The following NCF2 variants were observed in gnomAD, a reference collection of about 807,000 sequenced individuals.
The protein encoded by NCF2 is neutrophil cytosolic factor 2, also known as neutrophil cytosol factor 2.
Under a neutral mutation model 70.9 loss-of-function variants are expected in NCF2, and 45 were observed. The observed-to-expected ratio is 0.63, with a 90% confidence interval of 0.50 to 0.81. NCF2 has a LOEUF of 0.81. Ranked by LOEUF, NCF2 falls within the 40% of genes least tolerant of loss-of-function variation. The pLI is 0.00. For missense variants in NCF2, 522 were observed against 631.6 expected (o/e 0.83, Z 1.86); for synonymous variants, 203 against 233.6 (o/e 0.87, Z 1.19).
chr1:183,594,367 C>T (rs952480232), upstream of NCF2, among the ~76,000 whole-genome samples: 7 of 152,284 alleles, frequency 4.6e-5, no homozygotes, highest in East Asian at 9.7e-4. Flanking sequence ...GATGATCACG[C>T]CACTGCATTC....
the NCF2 span, among the ~76,000 whole-genome samples, chr1:183,599,638 A>G: frequency 3.3e-5 from 5 of 149,634 alleles, no homozygotes; most frequent in African/African-American, 9.9e-5. Flanking sequence ...TGCAACCTCC[A>G]CCTCCCGGGT....
At chr1:183,599,423 C>CTTCTTTCTTT in the NCF2 span, among the ~76,000 whole-genome samples, 18 of 107,508 alleles carry the variant, frequency 1.7e-4, no homozygotes, top group African/African-American at 4.9e-4. Flanking sequence ...TCTTTCTTTC[C>CTTCTTTCTTT]TTCTTTCTTT....
Position 183,569,154 on chromosome 1 carries a change from G to A in NCF2, c.701C>T (p.Pro234Leu). The change falls in exon 7 of 15, where the codon CCA becomes CTA. Residue 234 changes from proline to leucine, a missense_variant. Transcript: ENST00000367535. ...GAATCTAACTTACCTGAAGATCTCTGGGGTTTTCGGTCTGGGTGGAGGCTC... is the reference window on the plus strand; with the variant it reads ...GAATCTAACTTACCTGAAGATCTCTAGGGTTTTCGGTCTGGGTGGAGGCTC... ...AAEPPPRPKT[P>L]EIFRALEGEA... The A allele has an allele frequency of 6.2e-7, 1 of 1,613,940 alleles. No homozygotes were observed. The highest frequency in any genetic ancestry group is 8.5e-7 in the Non-Finnish European group (1 of 1,179,900).
At chr1:183,581,674 GT>G (rs71130625) in intron 2 of NCF2, among the ~76,000 whole-genome samples, 43,825 of 144,382 alleles carry the variant, frequency 0.3, 6,584 homozygotes, top group East Asian at 0.53. Flanking sequence ...CTTGCTAAGT[GT>G]TTTTTTTTTT....
intron 10 of NCF2, 66 bp downstream of exon 10, chr1:183,565,638 G>T: frequency 6.7e-7 from 1 of 1,491,934 alleles, no homozygotes; most frequent in Non-Finnish European, 9.3e-7. Flanking sequence ...GCAGGGAGAG[G>T]AACTCAGGAA....
At chr1:183,601,486 ATTTT>A in the NCF2 span, among the ~76,000 whole-genome samples, 1 of 152,150 alleles carries the variant, frequency 6.6e-6, no homozygotes, top group Non-Finnish European at 1.5e-5. Flanking sequence ...TCTAATGTGC[ATTTT>A]TTTAAAAGTA....
intron 2 of NCF2, among the ~76,000 whole-genome samples, chr1:183,580,760 T>G (rs911268975): frequency 1.3e-5 from 2 of 152,098 alleles, no homozygotes; most frequent in Non-Finnish European, 2.9e-5. Context: ...GCGGATCACT[T>G]GAGGTCAGGG....
At chr1:183,574,956 T>G (rs1323235275) in intron 3 of NCF2, among the ~76,000 whole-genome samples, 1 of 152,244 alleles carries the variant, frequency 6.6e-6, no homozygotes, top group Non-Finnish European at 1.5e-5. Flanking sequence ...TGTTTTAGTA[T>G]GAGTTGCTTT....
intron 14 of NCF2, among the ~76,000 whole-genome samples, chr1:183,558,483 G>A (rs887353811): frequency 5.3e-5 from 8 of 151,960 alleles, no homozygotes; most frequent in African/African-American, 1.9e-4. Context: ...GGCCAGGCTG[G>A]TCTTGAACTC....
chr1:183,587,039 C>A, intron 1 of NCF2, 62 bp from the exon 2 acceptor site: 1 of 1,463,584 alleles, frequency 6.8e-7, no homozygotes, highest in East Asian at 2.3e-5. Context: ...GTGAGATGAG[C>A]CACGGCTCAC....
At chr1:183,599,448 T>TTC in the NCF2 span, among the ~76,000 whole-genome samples, 18 of 114,478 alleles carry the variant, frequency 1.6e-4, no homozygotes, top group African/African-American at 5.6e-4. Flanking sequence ...CTTTCTTTCT[T>TTC]TCTTTCTTTC....
At chr1:183,562,806 AGAGT>A (rs951737485) in intron 13 of NCF2, among the ~76,000 whole-genome samples, 1 of 150,168 alleles carries the variant, frequency 6.7e-6, no homozygotes, top group Non-Finnish European at 1.5e-5. Context: ...CTTGGGCGAC[AGAGT>A]GAGACTCCAT....
chr1:183,570,707 A>C, intron 6 of NCF2, 73 bp downstream of exon 6: 1 of 1,493,858 alleles, frequency 6.7e-7, no homozygotes, highest in Middle Eastern at 1.7e-4. Context: ...CAGCACACAT[A>C]GTCTCTCGAA....
intron 2 of NCF2, 55 bp downstream of exon 2, chr1:183,586,840 A>G: frequency 6.6e-7 from 1 of 1,522,760 alleles, no homozygotes. Context: ...CAACACTGAG[A>G]CCCCTTGGGT....
At chr1:183,571,284 A>C (rs1265047552) in intron 5 of NCF2, among the ~76,000 whole-genome samples, 1 of 151,892 alleles carries the variant, frequency 6.6e-6, no homozygotes, top group Non-Finnish European at 1.5e-5. Context: ...TGCCCGGCTA[A>C]TTTTTGTATT....
upstream of NCF2, among the ~76,000 whole-genome samples, chr1:183,591,160 G>T (rs552974280): frequency 6.6e-6 from 1 of 152,198 alleles, no homozygotes; most frequent in Non-Finnish European, 1.5e-5. Flanking sequence ...CACCCAGGCC[G>T]AGTGGGCAGG....
intron 2 of NCF2, among the ~76,000 whole-genome samples, chr1:183,580,138 C>T (rs901236738): frequency 6.6e-6 from 1 of 152,098 alleles, no homozygotes; most frequent in Admixed American, 6.6e-5. Flanking sequence ...GTAAGTCACA[C>T]ATGGTAGCAG....
At chr1:183,560,356 C>CA in intron 13 of NCF2, 83 bp from the exon 14 acceptor site, 3 of 1,463,530 alleles carry the variant, frequency 2.0e-6, no homozygotes, top group Non-Finnish European at 2.9e-6. Flanking sequence ...AGCGAAATGT[C>CA]AAAGTAGAAC....
intron 14 of NCF2, 101 bp downstream of exon 14, chr1:183,559,995 A>G (rs1671969979): frequency 7.5e-7 from 1 of 1,339,340 alleles, no homozygotes; most frequent in South Asian, 1.2e-5. Context: ...AACACTGGCT[A>G]AAGTTTTGTT....
Sources: gnomAD v4.1 joint callset for allele counts (sites outside exome capture counted in the v4.1 genomes callset) on GRCh38, gnomAD v4.1.1 for gene constraint, MANE v1.5 for transcripts, NCBI Gene and HGNC (gene_info 2026-07-23, HGNC 2026-07-21) for gene names.